CNTN3: variants seen among roughly 807,000 people sequenced by gnomAD.
CNTN3 encodes contactin 3.
Under a neutral mutation model 119.1 loss-of-function variants are expected in CNTN3, and 60 were observed. That is an observed-to-expected ratio of 0.50 (90% CI 0.41 to 0.62). The LOEUF (loss-of-function observed/expected upper bound fraction) is 0.62, where lower values mean the gene tolerates loss of function less well. Among genes scored for constraint, CNTN3 ranks in the 20% least tolerant of loss-of-function variants. The probability of loss-of-function intolerance (pLI) is 0.00; values close to 1 mark genes in which losing one functional copy is unlikely to be tolerated. For missense variants in CNTN3, 1,101 were observed against 1,242.4 expected (o/e 0.89, Z 1.71); for synonymous variants, 450 against 438.7 (o/e 1.03, Z -0.32).
chr3:74,432,883 C>A (rs1415269834), intron 4 of CNTN3, among the ~76,000 whole-genome samples: 1 of 152,118 alleles, frequency 6.6e-6, no homozygotes, highest in East Asian at 1.9e-4. Flanking sequence ...TCTCCCATGG[C>A]AAAGTGTGTC....
At chr3:74,341,011 A>G (rs1466557070) in intron 11 of CNTN3, among the ~76,000 whole-genome samples, 1 of 152,176 alleles carries the variant, frequency 6.6e-6, no homozygotes, top group Non-Finnish European at 1.5e-5. Context: ...GCAAACTTCA[A>G]GTCAAGCAAA....
At chr3:74,343,876 C>A (rs895297834) in intron 11 of CNTN3, among the ~76,000 whole-genome samples, 52 of 152,024 alleles carry the variant, frequency 3.4e-4, no homozygotes, top group Admixed American at 3.1e-3. Context: ...ACAGGGACTG[C>A]GCTTTGAGAG....
At chr3:74,536,318 T>A (rs1054033398) in intron 1 of CNTN3, among the ~76,000 whole-genome samples, 3 of 152,084 alleles carry the variant, frequency 2.0e-5, no homozygotes, top group African/African-American at 7.2e-5. Flanking sequence ...CATACAGATA[T>A]TAACCTTTTC....
At chr3:74,504,032 C>A (rs982881966) in intron 2 of CNTN3, among the ~76,000 whole-genome samples, 8 of 152,070 alleles carry the variant, frequency 5.3e-5, no homozygotes, top group Admixed American at 3.3e-4. Context: ...TGGTCATACT[C>A]TATACAATTT....
chr3:74,453,466 G>A (rs1433503499), intron 4 of CNTN3, among the ~76,000 whole-genome samples: 1 of 152,014 alleles, frequency 6.6e-6, no homozygotes, highest in Non-Finnish European at 1.5e-5. Context: ...CAAAATACCA[G>A]CTCCTGGATT....
At chr3:74,505,017 G>A (rs1251979497) in intron 2 of CNTN3, among the ~76,000 whole-genome samples, 1 of 151,990 alleles carries the variant, frequency 6.6e-6, no homozygotes, top group Non-Finnish European at 1.5e-5. Context: ...AGACCTCTCT[G>A]CTTGGCTTGT....
At chr3:74,502,942 A>G in intron 2 of CNTN3, among the ~76,000 whole-genome samples, 1 of 152,206 alleles carries the variant, frequency 6.6e-6, no homozygotes. Flanking sequence ...AGAACACAGT[A>G]GATATTCAAT....
chr3:74,298,303 A>G, intron 17 of CNTN3, 112 bp from the exon 18 acceptor site: 1 of 644,710 alleles, frequency 1.6e-6, no homozygotes, highest in South Asian at 2.6e-5. Flanking sequence ...AATCATCTAC[A>G]TTGTATTAAG....
intron 1 of CNTN3, among the ~76,000 whole-genome samples, chr3:74,551,682 T>A (rs370803304): frequency 7.9e-5 from 12 of 152,054 alleles, no homozygotes; most frequent in African/African-American, 2.4e-4. Context: ...GTCTATATAG[T>A]TTTGTGTTTT....
chr3:74,472,028 A>G (rs1422473221), intron 4 of CNTN3, among the ~76,000 whole-genome samples: 2 of 152,206 alleles, frequency 1.3e-5, no homozygotes, highest in Non-Finnish European at 2.9e-5. Context: ...TTGGTTGTTC[A>G]TGCTATCATT....
At chr3:74,606,274 A>G (rs1035306869) in intron 1 of CNTN3, among the ~76,000 whole-genome samples, 4 of 152,086 alleles carry the variant, frequency 2.6e-5, no homozygotes, top group Admixed American at 2.0e-4. Flanking sequence ...GGGGCATATT[A>G]ATCTTATATA....
intron 18 of CNTN3, among the ~76,000 whole-genome samples, chr3:74,295,566 T>C (rs915290476): frequency 4.6e-5 from 7 of 152,142 alleles, no homozygotes; most frequent in Admixed American, 3.9e-4. Flanking sequence ...ATCTCATTCC[T>C]ACTGCTTGGG....
At chr3:74,545,035 G>T (rs115224366) in intron 1 of CNTN3, among the ~76,000 whole-genome samples, 1 of 152,290 alleles carries the variant, frequency 6.6e-6, no homozygotes, top group Non-Finnish European at 1.5e-5. Context: ...TTCTAGGGAT[G>T]GTTGTTGGAG....
At chr3:74,319,318 A>T (rs1702920164) in intron 13 of CNTN3, among the ~76,000 whole-genome samples, 1 of 152,192 alleles carries the variant, frequency 6.6e-6, no homozygotes, top group Non-Finnish European at 1.5e-5. Flanking sequence ...CAAAACAGAG[A>T]TATAGATCAA....
intron 13 of CNTN3, among the ~76,000 whole-genome samples, chr3:74,332,228 C>T (rs1703282518): frequency 6.6e-6 from 1 of 152,194 alleles, no homozygotes; most frequent in Non-Finnish European, 1.5e-5. Context: ...AATGAATACA[C>T]AATCAGAGGA....
intron 11 of CNTN3, among the ~76,000 whole-genome samples, chr3:74,353,774 T>C (rs1165381750): frequency 2.6e-5 from 4 of 151,918 alleles, no homozygotes; most frequent in Non-Finnish European, 5.9e-5. Context: ...AATTAATTAA[T>C]TAATTAAATA....
intron 1 of CNTN3, among the ~76,000 whole-genome samples, chr3:74,613,017 T>C (rs1403853995): frequency 6.6e-6 from 1 of 152,204 alleles, no homozygotes; most frequent in African/African-American, 2.4e-5. Flanking sequence ...AGATGCCAGG[T>C]TACTGCAGCC....
chr3:74,432,974 C>T (rs1331760114), intron 4 of CNTN3, among the ~76,000 whole-genome samples: 1 of 152,062 alleles, frequency 6.6e-6, no homozygotes, highest in African/African-American at 2.4e-5. Flanking sequence ...TTTGTTTCTC[C>T]CAAGCCAGAG....
intron 4 of CNTN3, among the ~76,000 whole-genome samples, chr3:74,478,478 A>T (rs1241716336): frequency 5.3e-5 from 8 of 152,150 alleles, no homozygotes. Flanking sequence ...ATGTATGCAC[A>T]CTGGATTCTG....
Sources: allele counts gnomAD v4.1 joint callset (sites outside exome capture counted in the v4.1 genomes callset), GRCh38; gene constraint gnomAD v4.1.1; transcripts MANE v1.5; gene names NCBI Gene and HGNC (gene_info 2026-07-23, HGNC 2026-07-21).